The following PALD1 variants were observed in gnomAD, a reference collection of about 807,000 sequenced individuals.
PALD1 encodes the protein paladin.
PALD1 carries 57 observed loss-of-function variants against 96.0 expected under a neutral mutation model. That is an observed-to-expected ratio of 0.59 (90% CI 0.48 to 0.74). The LOEUF is 0.74. Among genes scored for constraint, PALD1 ranks in the 30% least tolerant of loss-of-function variants. The pLI is 0.00. For synonymous variants in PALD1, 464 were observed against 473.6 expected (o/e 0.98, Z 0.26); for missense variants, 1,063 against 1,143.7 (o/e 0.93, Z 1.02).
At chr10:70,472,805 G>A in the PALD1 span, among the ~76,000 whole-genome samples, 1 of 152,144 alleles carries the variant, frequency 6.6e-6, no homozygotes, top group Non-Finnish European at 1.5e-5. Context: ...AGTGCTGGCT[G>A]GGGGAGGGAG....
At chr10:70,541,014 G>T in intron 15 of PALD1, 88 bp from the exon 16 acceptor site, 1 of 1,419,724 alleles carries the variant, frequency 7.0e-7, no homozygotes, top group Non-Finnish European at 9.5e-7. Context: ...GAGGACAGTG[G>T]CTGGGGCTGC....
chr10:70,519,508 C>A (rs546756042), intron 1 of PALD1, among the ~76,000 whole-genome samples: 169 of 152,068 alleles, frequency 1.1e-3, no homozygotes, highest in East Asian at 9.7e-4. Context: ...GAATTAATTA[C>A]CCCCTCTCCC....
rs200205000 is a variant in PALD1 at position 70,528,498 on chromosome 10, TAG to T, written c.186-728_186-727del. ...GAAATGAGCTCCTTGTCCAAAGCTA[TAG>T]AGTTACCAAGCGGTGGGTGGAGTTG... On this transcript the variant is annotated intron_variant, in intron 2 of 19. Coordinates refer to ENST00000263563, the MANE Select transcript of PALD1 (RefSeq NM_014431.3). 6.6e-5 allele frequency among the ~76,000 whole-genome samples: 10 copies of T among 152,280 alleles called. No individual in the cohort carries two copies. In the East Asian group the frequency reaches 1.9e-3, roughly 29 times the overall value.
intron 5 of PALD1, among the ~76,000 whole-genome samples, 161 bp downstream of exon 5, chr10:70,531,615 G>A (rs561549460): frequency 6.6e-6 from 1 of 152,302 alleles, no homozygotes; most frequent in Non-Finnish European, 1.5e-5. Context: ...CGGGCAGCCA[G>A]AGGAAGGACT....
At chr10:70,544,976 G>A (rs1847331724) in intron 17 of PALD1, among the ~76,000 whole-genome samples, 1 of 152,242 alleles carries the variant, frequency 6.6e-6, no homozygotes, top group African/African-American at 2.4e-5. Flanking sequence ...GTTCTTAAGT[G>A]GCAGCCAGAG....
chr10:70,546,475 T>G (rs1429041222), intron 17 of PALD1, among the ~76,000 whole-genome samples: 1 of 152,200 alleles, frequency 6.6e-6, no homozygotes, highest in Non-Finnish European at 1.5e-5. Context: ...CTGTGAGAAC[T>G]GTGTGCACTC....
intron 18 of PALD1, among the ~76,000 whole-genome samples, chr10:70,548,586 C>T (rs983473631): frequency 3.3e-5 from 5 of 152,060 alleles, no homozygotes; most frequent in African/African-American, 4.8e-5. Flanking sequence ...TGGTGGGAGC[C>T]GGTGGGTAGG....
the PALD1 span, among the ~76,000 whole-genome samples, chr10:70,470,950 C>T: frequency 1.1e-4 from 17 of 151,920 alleles, no homozygotes; most frequent in African/African-American, 3.6e-4. Flanking sequence ...TACAGGCATG[C>T]GCCACCACAC....
chr10:70,530,930 T>C (rs1337147823), intron 4 of PALD1, among the ~76,000 whole-genome samples: 1 of 152,178 alleles, frequency 6.6e-6, no homozygotes, highest in African/African-American at 2.4e-5. Context: ...TAGGACACCA[T>C]GCTAGGAATT....
At chr10:70,531,570 T>A in intron 5 of PALD1, 116 bp downstream of exon 5, 1 of 984,298 alleles carries the variant, frequency 1.0e-6, no homozygotes, top group Non-Finnish European at 1.4e-6. Context: ...TGTTGTGCCC[T>A]GCTTGGGTGA....
Position 70,566,837 on chromosome 10 carries a change from T to A in PALD1, c.*104T>A. 1.4e-6 allele frequency: 1 copy of A among 698,514 alleles called. No homozygotes were observed. Among genetic ancestry groups the A allele is most frequent in the Non-Finnish European group, 2.3e-6 (1 of 429,180 alleles). The allele number at this position is 698,514 out of a possible 1,614,324, so 43.3% of individuals were successfully genotyped here. ...GCCCTGAGGGGTGCTGGCCTTGAAA[T>A]GATTCCCCCACTTCCTGGAGAGACT... On this transcript the variant is annotated 3_prime_UTR_variant, in exon 20 of 20. Coordinates refer to ENST00000263563, the MANE Select transcript of PALD1 (RefSeq NM_014431.3).
chr10:70,561,985 C>T (rs1017665957), intron 18 of PALD1, among the ~76,000 whole-genome samples: 7 of 152,222 alleles, frequency 4.6e-5, no homozygotes, highest in African/African-American at 1.7e-4. Context: ...TTCATCTTTG[C>T]ATCCCCAGTA....
rs1846755214 is a variant in PALD1, at chr10:70,522,295, C to G, written c.-29-3628C>G. On this transcript the variant is annotated intron_variant, in intron 1 of 19. Coordinates refer to ENST00000263563, the MANE Select transcript of PALD1 (RefSeq NM_014431.3). ...TTATAAGGCAAGGTCAGGCTTCTGT[C>G]TAGGATTGCTAGGATTCTCCAAGCT... Among the ~76,000 whole-genome samples, 3 of 152,148 alleles carry G rather than the reference C, an allele frequency of 2.0e-5. No homozygotes were observed. In the South Asian group the frequency reaches 6.2e-4, roughly 32 times the overall value.
intron 18 of PALD1, among the ~76,000 whole-genome samples, chr10:70,554,055 G>A (rs1273944003): frequency 6.6e-6 from 1 of 152,188 alleles, no homozygotes; most frequent in African/African-American, 2.4e-5. Flanking sequence ...GTGCCCCTCT[G>A]TTCTCCAGTG....
the PALD1 span, among the ~76,000 whole-genome samples, chr10:70,469,803 C>CT: frequency 6.6e-6 from 1 of 151,672 alleles, no homozygotes; most frequent in South Asian, 2.1e-4. Context: ...TTTCTTTTTT[C>CT]TTTTTTTTGA....
intron 1 of PALD1, among the ~76,000 whole-genome samples, chr10:70,523,747 A>G (rs1846791687): frequency 6.6e-6 from 1 of 152,044 alleles, no homozygotes; most frequent in Non-Finnish European, 1.5e-5. Context: ...TTCAAGGGTG[A>G]CAGGCGTGAG....
At chr10:70,496,812 C>T (rs1232198581) in intron 1 of PALD1, among the ~76,000 whole-genome samples, 2 of 152,104 alleles carry the variant, frequency 1.3e-5, no homozygotes, top group African/African-American at 2.4e-5. Flanking sequence ...CTCCTTTCAC[C>T]AAGAGGGAGA....
At chr10:70,562,596 G>GCCCT (rs1393310938) in intron 18 of PALD1, among the ~76,000 whole-genome samples, 1 of 152,210 alleles carries the variant, frequency 6.6e-6, no homozygotes, top group African/African-American at 2.4e-5. Flanking sequence ...GGCTTGCTGT[G>GCCCT]CCCTCGCACA....
chr10:70,529,301 G>C lies in PALD1; in HGVS notation c.258G>C (p.Ser86=). 4 of 1,573,552 alleles carry C rather than the reference G, an allele frequency of 2.5e-6. No homozygotes were observed. The highest frequency in any genetic ancestry group is 1.1e-5 in the South Asian group (1 of 89,344). Residue 86 remains serine, a synonymous_variant, in exon 3 of 20, where the codon TCG becomes TCC. Coordinates refer to ENST00000263563, the MANE Select transcript of PALD1 (RefSeq NM_014431.3). ...LKAHYTLGRL[S]DNTPEHYLVQ... ...CTCATTACACGTTGGGCCGGCTCTC[G>C]GACAACACCCCTGAGCACTACCTGG...
Sources: gnomAD v4.1 joint callset for allele counts (sites outside exome capture counted in the v4.1 genomes callset) on GRCh38, gnomAD v4.1.1 for gene constraint, MANE v1.5 for transcripts, NCBI Gene and HGNC (gene_info 2026-07-23, HGNC 2026-07-21) for gene names.